WDR45B: variants seen among roughly 807,000 people sequenced by gnomAD.
WDR45B encodes the protein WD repeat domain 45B, also known as WD repeat domain phosphoinositide-interacting protein 3.
A neutral mutation model predicts 44.6 loss-of-function variants in WDR45B; 20 were observed. The observed-to-expected ratio is 0.45, with a 90% confidence interval of 0.32 to 0.65. The LOEUF is 0.65. Among genes scored for constraint, WDR45B ranks in the 30% least tolerant of loss-of-function variants. WDR45B has a pLI of 0.05. For synonymous variants in WDR45B, 169 were observed against 164.9 expected, an observed-to-expected ratio of 1.02 and a Z score of -0.19; for missense variants, 323 against 430.2, an observed-to-expected ratio of 0.75 and a Z score of 2.20.
Position 82,615,788 on chromosome 17 carries a change from G to A in WDR45B, c.*131C>T, listed in dbSNP as rs1598255144. 3.8e-6 allele frequency: 3 copies of A among 791,102 alleles called. No individual in the cohort carries two copies. In the South Asian group the frequency reaches 4.2e-5, roughly 11 times the overall value. 49.0% of individuals were successfully genotyped at this position (791,102 alleles called of 1,614,324 possible). On this transcript the variant is annotated 3_prime_UTR_variant, in exon 10 of 10. Coordinates refer to ENST00000392325, the MANE Select transcript of WDR45B (RefSeq NM_019613.4). Reference sequence around the variant, plus strand: ...AGTCCTTAGGAAAGCAGACAACCACGTATGGCTTCGAGACCAAGGTCCCTG... The same window carrying A: ...AGTCCTTAGGAAAGCAGACAACCACATATGGCTTCGAGACCAAGGTCCCTG...
intron 3 of WDR45B, among the ~76,000 whole-genome samples, chr17:82,628,244 C>T (rs991032666): frequency 1.3e-5 from 2 of 152,220 alleles, no homozygotes; most frequent in African/African-American, 4.8e-5. Flanking sequence ...CTGCCCACCT[C>T]AACTTCCCAA....
intron 1 of WDR45B, 129 bp from the exon 2 acceptor site, chr17:82,644,152 A>G (rs2045949732): frequency 1.2e-6 from 1 of 805,396 alleles, no homozygotes; most frequent in Non-Finnish European, 2.1e-6. Context: ...ATAGGTGCTA[A>G]GTCACAACTC....
At chr17:82,644,081 G>A in intron 1 of WDR45B, 58 bp from the exon 2 acceptor site, 1 of 1,547,398 alleles carries the variant, frequency 6.5e-7, no homozygotes, top group Non-Finnish European at 8.9e-7. Context: ...TTAAAAGAAA[G>A]AGGTCTGGAG....
rs12950772 is a variant in WDR45B at position 82,616,656 on chromosome 17, A to G, written c.807-11T>C. 393,731 of 1,613,790 alleles carry G rather than the reference A, an allele frequency of 0.24. 49,483 individuals are homozygous for G. Among genetic ancestry groups the G allele is most frequent in the Admixed American group, 0.27 (16,311 of 60,006 alleles). On this transcript the variant is annotated splice_polypyrimidine_tract_variant and intron_variant, in intron 8 of 9. Coordinates refer to ENST00000392325, the MANE Select transcript of WDR45B (RefSeq NM_019613.4). ...CTGGCTGAGGCCAAACTGTGAAGAC[A>G]AGAAAAGAAAGGGTGGTTCAAAGTT...
intron 6 of WDR45B, among the ~76,000 whole-genome samples, chr17:82,620,951 CAG>C (rs2045607151): frequency 6.6e-6 from 1 of 152,004 alleles, no homozygotes. Flanking sequence ...GCTGTGAAGA[CAG>C]GAGCACAGAA....
At chr17:82,641,229 A>T (rs1431413909) in intron 2 of WDR45B, among the ~76,000 whole-genome samples, 2 of 152,090 alleles carry the variant, frequency 1.3e-5, no homozygotes, top group African/African-American at 4.8e-5. Context: ...AGCCTCCCAA[A>T]GTGCTGGGAT....
chr17:82,625,047 C>G (rs1419737554), intron 5 of WDR45B, among the ~76,000 whole-genome samples: 1 of 152,318 alleles, frequency 6.6e-6, no homozygotes, highest in South Asian at 2.1e-4. Flanking sequence ...AATCAATCCT[C>G]CAATTCAGAA....
At chr17:82,625,263 C>G in intron 5 of WDR45B, 126 bp downstream of exon 5, 1 of 889,682 alleles carries the variant, frequency 1.1e-6, no homozygotes. Context: ...CTGGAGGCCC[C>G]TCTGTGCTCA....
Position 82,621,759 on chromosome 17 carries a change from C to A in WDR45B, c.468G>T (p.Leu156=), listed in dbSNP as rs2143267496. The change falls in exon 6 of 10, where the codon CTG becomes CTT. Residue 156 remains leucine (L), a synonymous_variant. Coordinates refer to ENST00000392325, the MANE Select transcript of WDR45B (RefSeq NM_019613.4). ...VLCPNSNNSL[L]AFPGTHTGHV... is the part of the protein sequence containing the mutation. ...GGCCCGTGTGCGTGCCCGGAAAGGCCAGGAGGGAGTTGTTACTATTGGGAC... is the reference window on the plus strand; with the variant it reads ...GGCCCGTGTGCGTGCCCGGAAAGGCAAGGAGGGAGTTGTTACTATTGGGAC... 1 of 1,614,176 alleles carries A rather than the reference C, an allele frequency of 6.2e-7. No homozygotes were observed. Among genetic ancestry groups the A allele is most frequent in the East Asian group, 2.2e-5 (1 of 44,884 alleles).
intron 7 of WDR45B, among the ~76,000 whole-genome samples, chr17:82,617,932 CTT>C (rs896081781): frequency 5.6e-5 from 8 of 143,618 alleles, no homozygotes; most frequent in African/African-American, 7.6e-5. Flanking sequence ...CATTTTCTTT[CTT>C]TTTTTTTTTT....
chr17:82,625,499 T>G lies in WDR45B; in HGVS notation c.333-16A>C. On this transcript the variant is annotated splice_polypyrimidine_tract_variant and intron_variant, in intron 4 of 9. Coordinates refer to ENST00000392325, the MANE Select transcript of WDR45B (RefSeq NM_019613.4). ...CACCACAATTCTGGAAAGAAAAACA[T>G]GATCAGAGTTGCTTTCCTCAAGAGT... 1.2e-6 allele frequency: 2 copies of G among 1,612,390 alleles called. No individual in the cohort carries two copies.
At chr17:82,629,958 C>T in intron 3 of WDR45B, 1 of 985,228 alleles carries the variant, frequency 1.0e-6, no homozygotes, top group East Asian at 1.1e-4. Context: ...CTCTCCTTCC[C>T]TCCTCACCTC....
intron 4 of WDR45B, among the ~76,000 whole-genome samples, chr17:82,626,528 T>C (rs1244797164): frequency 6.9e-5 from 4 of 57,628 alleles, no homozygotes; most frequent in African/African-American, 3.6e-4. Context: ...CAAGACTCTA[T>C]CTCCCAAAAA....
intron 2 of WDR45B, among the ~76,000 whole-genome samples, chr17:82,637,797 A>G (rs1203069311): frequency 1.3e-5 from 2 of 151,922 alleles, no homozygotes; most frequent in Admixed American, 6.6e-5. Context: ...TCTCCTTGGG[A>G]TTTTATGGAA....
Position 82,616,631 on chromosome 17 carries a change from C to G in WDR45B, c.821G>C (p.Ser274Thr), listed in dbSNP as rs780641887. Reference protein sequence around the residue: ...RNKQSSLASASFLPKYFSSKW... With the variant: ...RNKQSSLASATFLPKYFSSKW... ...GGAACTGAAGTATTTTGGAAGGAAA[C>G]TGGCTGAGGCCAAACTGTGAAGACA... The change falls in exon 9 of 10, where the codon AGT becomes ACT. Residue 274 changes from serine to threonine, a missense_variant. Coordinates refer to ENST00000392325, the MANE Select transcript of WDR45B (RefSeq NM_019613.4). The G allele has an allele frequency of 1.2e-6, 2 of 1,614,228 alleles. No homozygotes were observed. The highest frequency in any genetic ancestry group is 1.7e-6 in the Non-Finnish European group (2 of 1,180,034).
intron 1 of WDR45B, among the ~76,000 whole-genome samples, chr17:82,645,438 G>A (rs2045964080): frequency 6.6e-6 from 1 of 152,128 alleles, no homozygotes; most frequent in African/African-American, 2.4e-5. Context: ...AAGTGGTCAA[G>A]AAACACAAAA....
At chr17:82,647,810 G>C (rs1051130947) in intron 1 of WDR45B, among the ~76,000 whole-genome samples, 1 of 151,934 alleles carries the variant, frequency 6.6e-6, no homozygotes. Flanking sequence ...ACCTACTAAA[G>C]ACCCTGAAAG....
At position 82,617,386 on chromosome 17, in the gene WDR45B, T is replaced by C; in HGVS notation, c.716A>G (p.Asn239Ser). The C allele has an allele frequency of 1.2e-6, 2 of 1,614,136 alleles. No individual in the cohort carries two copies. The highest frequency in any genetic ancestry group is 1.7e-6 in the Non-Finnish European group (2 of 1,179,990). ...TACGCAGATGAGGGACGCATCCTGATTGAAGTTGATGCTGCAGAGAAAACC... is the reference window on the plus strand; with the variant it reads ...TACGCAGATGAGGGACGCATCCTGACTGAAGTTGATGCTGCAGAGAAAACC... ...QAANIYCINF[N>S]QDASLICVSS... The change falls in exon 8 of 10, where the codon AAT becomes AGT. Residue 239 changes from asparagine (N) to serine (S), a missense_variant. By Grantham distance (46) the Asn-to-Ser change is conservative (BLOSUM62 1). Coordinates refer to ENST00000392325, the MANE Select transcript of WDR45B (RefSeq NM_019613.4).
At position 82,641,677 on chromosome 17, in the gene WDR45B, A is replaced by T. The variant is rs147015827; in HGVS notation, c.142+2272T>A. On this transcript the variant is annotated intron_variant, in intron 2 of 9. Transcript: ENST00000392325. The stretch of plus-strand genomic sequence containing the variant: ...TTTGGGAGGACAAGGTGGGCGGATC[A>T]CGAGGTCAGGAGATCAAGACCATCC... Among the ~76,000 whole-genome samples the T allele has an allele frequency of 6.1e-3, 928 of 152,302 alleles. 2 individuals are homozygous for T. Among genetic ancestry groups the T allele is most frequent in the Middle Eastern group, 0.017 (5 of 294 alleles).
Sources: allele counts gnomAD v4.1 joint callset (sites outside exome capture counted in the v4.1 genomes callset), GRCh38; gene constraint gnomAD v4.1.1; transcripts MANE v1.5; gene names NCBI Gene and HGNC (gene_info 2026-07-23, HGNC 2026-07-21).